The following NKAIN3 variants were observed in gnomAD, a reference collection of about 807,000 sequenced individuals.
The protein encoded by NKAIN3 is sodium/potassium transporting ATPase interacting 3.
NKAIN3 carries 25 observed loss-of-function variants against 30.2 expected under a neutral mutation model. That is an observed-to-expected ratio of 0.83 (90% CI 0.60 to 1.16). The LOEUF is 1.16. Ranked by LOEUF, NKAIN3 falls within the 50% of genes most tolerant of loss-of-function variation. The probability of loss-of-function intolerance (pLI) is 0.00; values close to 1 mark genes in which losing one functional copy is unlikely to be tolerated. For missense variants in NKAIN3, 225 were observed against 254.1 expected, an observed-to-expected ratio of 0.89 and a Z score of 0.78; for synonymous variants, 91 against 89.6, an observed-to-expected ratio of 1.02 and a Z score of -0.09.
intron 1 of NKAIN3, among the ~76,000 whole-genome samples, chr8:62,419,062 C>A (rs1172541217): frequency 6.6e-6 from 1 of 152,148 alleles, no homozygotes; most frequent in East Asian, 1.9e-4. Flanking sequence ...AGTCTTACTT[C>A]TATCTTTTGG....
intron 1 of NKAIN3, among the ~76,000 whole-genome samples, chr8:62,542,198 TG>T (rs1808866937): frequency 6.6e-6 from 1 of 152,204 alleles, no homozygotes; most frequent in Non-Finnish European, 1.5e-5. Context: ...CATAGATTTT[TG>T]TGTAACCCTC....
intron 3 of NKAIN3, among the ~76,000 whole-genome samples, chr8:62,651,894 T>C (rs554844731): frequency 6.6e-6 from 1 of 152,250 alleles, no homozygotes; most frequent in African/African-American, 2.4e-5. Flanking sequence ...CCTTCTGCCA[T>C]GACTATAAGC....
chr8:62,805,422 C>A (rs1431452694), intron 4 of NKAIN3, among the ~76,000 whole-genome samples: 1 of 151,910 alleles, frequency 6.6e-6, no homozygotes, highest in Admixed American at 6.6e-5. Flanking sequence ...CTACAGTAAC[C>A]AAAACAGCAT....
intron 3 of NKAIN3, among the ~76,000 whole-genome samples, chr8:62,731,928 T>G (rs1262589460): frequency 6.6e-6 from 1 of 152,072 alleles, no homozygotes; most frequent in African/African-American, 2.4e-5. Flanking sequence ...ACGAACAATG[T>G]AACTCCAGAG....
intron 4 of NKAIN3, among the ~76,000 whole-genome samples, chr8:62,800,906 C>T (rs1435739448): frequency 2.0e-5 from 3 of 152,202 alleles, no homozygotes; most frequent in African/African-American, 7.2e-5. Flanking sequence ...TCGGGTCACT[C>T]CCACCCTAAT....
At chr8:62,761,634 C>T (rs1213175840) in intron 4 of NKAIN3, among the ~76,000 whole-genome samples, 1 of 152,186 alleles carries the variant, frequency 6.6e-6, no homozygotes, top group Non-Finnish European at 1.5e-5. Context: ...CATCTGAATG[C>T]AGTGAGCTTC....
intron 1 of NKAIN3, among the ~76,000 whole-genome samples, chr8:62,551,037 G>A (rs2129934958): frequency 6.6e-6 from 1 of 152,218 alleles, no homozygotes; most frequent in East Asian, 1.9e-4. Context: ...CATGGGTCCT[G>A]GCATCACACT....
At chr8:62,934,932 C>T (rs1822735940) in intron 5 of NKAIN3, among the ~76,000 whole-genome samples, 1 of 152,132 alleles carries the variant, frequency 6.6e-6, no homozygotes, top group Non-Finnish European at 1.5e-5. Context: ...TGCCCATGGA[C>T]TATTCAGCAG....
chr8:62,831,944 CA>C (rs1819210049), intron 4 of NKAIN3, among the ~76,000 whole-genome samples: 1 of 151,952 alleles, frequency 6.6e-6, no homozygotes, highest in African/African-American at 2.4e-5. Context: ...CGATAAAGAA[CA>C]ATCTTAAAGG....
intron 1 of NKAIN3, among the ~76,000 whole-genome samples, chr8:62,494,767 C>T (rs538028825): frequency 1.6e-4 from 25 of 152,130 alleles, no homozygotes; most frequent in African/African-American, 6.0e-4. Flanking sequence ...AATTTATCCA[C>T]TTCTTCTTGG....
intron 1 of NKAIN3, among the ~76,000 whole-genome samples, chr8:62,521,997 T>C (rs1808174422): frequency 6.6e-6 from 1 of 152,106 alleles, no homozygotes; most frequent in Non-Finnish European, 1.5e-5. Flanking sequence ...CAGACAGTGG[T>C]GGCAATGTCA....
At chr8:62,709,266 C>T (rs1436060021) in intron 3 of NKAIN3, among the ~76,000 whole-genome samples, 1 of 152,094 alleles carries the variant, frequency 6.6e-6, no homozygotes, top group African/African-American at 2.4e-5. Context: ...CCTTCTTCCT[C>T]CATCTTGTGG....
chr8:62,293,343 A>G (rs941699105), intron 1 of NKAIN3, among the ~76,000 whole-genome samples: 3 of 152,110 alleles, frequency 2.0e-5, no homozygotes, highest in Non-Finnish European at 2.9e-5. Context: ...CTTTTCTGCT[A>G]TGGTTTCTCT....
intron 1 of NKAIN3, among the ~76,000 whole-genome samples, chr8:62,382,753 TGTG>T (rs1817315692): frequency 6.6e-6 from 1 of 152,158 alleles, no homozygotes; most frequent in Admixed American, 6.6e-5. Context: ...TCTCCTCTGG[TGTG>T]GTGGCTGTTA....
chr8:62,898,762 G>A (rs1821513736), intron 4 of NKAIN3, among the ~76,000 whole-genome samples: 1 of 151,980 alleles, frequency 6.6e-6, no homozygotes, highest in African/African-American at 2.4e-5. Context: ...CTTCTCCATA[G>A]CAAATGAAAC....
At chr8:62,509,723 T>G (rs1272132006) in intron 1 of NKAIN3, among the ~76,000 whole-genome samples, 2 of 152,180 alleles carry the variant, frequency 1.3e-5, no homozygotes, top group South Asian at 4.1e-4. Flanking sequence ...ATTTTCTTTC[T>G]TATCGTAACT....
At chr8:62,698,544 G>C (rs915374132) in intron 3 of NKAIN3, among the ~76,000 whole-genome samples, 5 of 152,122 alleles carry the variant, frequency 3.3e-5, no homozygotes, top group African/African-American at 1.2e-4. Flanking sequence ...TCATGTTTTT[G>C]AGGCTATGTT....
At chr8:62,494,731 T>A (rs1377477255) in intron 1 of NKAIN3, among the ~76,000 whole-genome samples, 5 of 152,102 alleles carry the variant, frequency 3.3e-5, no homozygotes, top group African/African-American at 1.2e-4. Context: ...TCTGGTTCAG[T>A]CTTAGGAGGG....
intron 4 of NKAIN3, among the ~76,000 whole-genome samples, chr8:62,794,872 T>C (rs1310084948): frequency 1.3e-5 from 2 of 152,152 alleles, no homozygotes; most frequent in Non-Finnish European, 2.9e-5. Context: ...GTCTCTTGGC[T>C]CCTGCTGCTT....
Sources: gnomAD v4.1 joint callset for allele counts (sites outside exome capture counted in the v4.1 genomes callset) on GRCh38, gnomAD v4.1.1 for gene constraint, MANE v1.5 for transcripts, NCBI Gene and HGNC (gene_info 2026-07-23, HGNC 2026-07-21) for gene names.